The following ANKRA2 variants were observed in gnomAD, a reference collection of about 807,000 sequenced individuals.
The protein encoded by ANKRA2 is ankyrin repeat family A member 2.
A neutral mutation model predicts 37.8 loss-of-function variants in ANKRA2; 33 were observed. The ratio of observed to expected loss-of-function variants is 0.87; its 90% confidence interval spans 0.66 to 1.17. The LOEUF (loss-of-function observed/expected upper bound fraction) is 1.17. ANKRA2 is among the 50% of genes most tolerant of loss of function. The probability of loss-of-function intolerance (pLI) is 0.00; values close to 1 mark genes in which losing one functional copy is unlikely to be tolerated. For synonymous variants in ANKRA2, 126 were observed against 132.3 expected (o/e 0.95, Z 0.33); for missense variants, 326 against 373.7 (o/e 0.87, Z 1.05).
intron 6 of ANKRA2, 124 bp downstream of exon 6, chr5:73,554,737 A>C: frequency 8.6e-7 from 1 of 1,165,908 alleles, no homozygotes; most frequent in Non-Finnish European, 1.2e-6. Flanking sequence ...AGTGGCTGGG[A>C]CTACAGGTGT....
Position 73,562,914 on chromosome 5 carries a change from T to G in ANKRA2, c.-33A>C. On this transcript the variant is annotated 5_prime_UTR_variant, in exon 2 of 9. Coordinates refer to ENST00000296785, the MANE Select transcript of ANKRA2 (RefSeq NM_023039.5). ...ACTGTAGTTTCAATAACTAAAACAT[T>G]TCTTCATGATTTCCTCTTGGTTTTG... is the stretch of plus-strand genomic sequence containing the variant. The G allele has an allele frequency of 2.6e-6, 4 of 1,542,564 alleles. No homozygotes were observed. The highest frequency in any genetic ancestry group is 3.5e-6 in the Non-Finnish European group (4 of 1,140,550).
chr5:73,555,263 C>T, intron 5 of ANKRA2: 1 of 1,215,360 alleles, frequency 8.2e-7, no homozygotes, highest in Non-Finnish European at 1.1e-6. Flanking sequence ...TACTTCTGTT[C>T]CCGTGGGATG....
chr5:73,563,331 T>C (rs1490683954), intron 1 of ANKRA2, among the ~76,000 whole-genome samples: 1 of 152,230 alleles, frequency 6.6e-6, no homozygotes, highest in East Asian at 1.9e-4. Flanking sequence ...AGTTACTGTT[T>C]CTCCCATTTC....
At chr5:73,555,982 C>T (rs147916030) in intron 4 of ANKRA2, among the ~76,000 whole-genome samples, 42 of 152,272 alleles carry the variant, frequency 2.8e-4, no homozygotes, top group African/African-American at 9.6e-4. Context: ...CTTACATCAA[C>T]GTACAGTTGG....
intron 4 of ANKRA2, chr5:73,557,344 G>T (rs1056120757): frequency 1.0e-5 from 3 of 297,404 alleles, no homozygotes; most frequent in African/African-American, 2.3e-5. Context: ...GAAAATGTAA[G>T]AAACTTATAA....
intron 4 of ANKRA2, 159 bp downstream of exon 4, chr5:73,557,416 T>TTC (rs915916320): frequency 2.4e-5 from 2 of 81,986 alleles, no homozygotes; most frequent in African/African-American, 7.4e-5. Flanking sequence ...TATTCCTTTT[T>TTC]TTTTTTTTTT....
chr5:73,552,614 C>A lies in ANKRA2; in HGVS notation c.*183G>T. Reference sequence around the variant, plus strand: ...TTATAATTTTAAATATACAGTAAAACATAGTTATAAAAAGAGTATTACATT... The same window carrying A: ...TTATAATTTTAAATATACAGTAAAAAATAGTTATAAAAAGAGTATTACATT... On this transcript the variant is annotated 3_prime_UTR_variant, in exon 9 of 9. Coordinates refer to ENST00000296785, the MANE Select transcript of ANKRA2 (RefSeq NM_023039.5). The A allele has an allele frequency of 1.9e-6, 1 of 522,462 alleles. No homozygotes were observed. The allele number at this position is 522,462 out of a possible 1,614,324, so 32.4% of individuals were successfully genotyped here.
At chr5:73,562,038 A>C (rs1337478908) in intron 2 of ANKRA2, among the ~76,000 whole-genome samples, 1 of 152,022 alleles carries the variant, frequency 6.6e-6, no homozygotes, top group Non-Finnish European at 1.5e-5. Flanking sequence ...ATTTTTTGAG[A>C]CAGAGTCTCA....
At position 73,554,882 on chromosome 5, in the gene ANKRA2, A is replaced by T; in HGVS notation, c.717T>A (p.Val239=). Residue 239 remains valine, a synonymous_variant, in exon 6 of 9, where the codon GTT becomes GTA. Coordinates refer to ENST00000296785, the MANE Select transcript of ANKRA2 (RefSeq NM_023039.5). ...DIVKMLLDCG[V]DVNEYDWNGG... ...TTACCCAATCATATTCATTTACATC[A>T]ACTCCACAATCAAGCAGCATTTTGA... 2 of 1,613,756 alleles carry T rather than the reference A, an allele frequency of 1.2e-6. No homozygotes were observed. Among genetic ancestry groups the T allele is most frequent in the Non-Finnish European group, 1.7e-6 (2 of 1,179,812 alleles).
At chr5:73,561,812 A>G (rs1391280012) in intron 2 of ANKRA2, among the ~76,000 whole-genome samples, 1 of 152,124 alleles carries the variant, frequency 6.6e-6, no homozygotes, top group Non-Finnish European at 1.5e-5. Flanking sequence ...GTTCTGGAAG[A>G]AAATATATTA....
intron 7 of ANKRA2, among the ~76,000 whole-genome samples, chr5:73,554,021 C>T (rs12656388): frequency 0.087 from 13,269 of 152,136 alleles, 924 homozygotes; most frequent in African/African-American, 0.19. Context: ...CCACCCACCT[C>T]GGCCTCCCAA....
rs1345912726 is a variant in ANKRA2 at position 73,553,456 on chromosome 5, T to G, written c.836A>C (p.Asp279Ala). ...ESGADPTIET[D>A]SGYNSMDLAV... is the part of the protein sequence containing the mutation. ...TAGATCCATAGAATTATATCCAGAG[T>G]CAGTTTCAATTGTTGGATCAGCCCC... The change falls in exon 8 of 9, where the codon GAC becomes GCC. Residue 279 changes from aspartate (D) to alanine (A), a missense_variant. Physicochemically the swap from Asp to Ala is moderately radical, Grantham distance 126. Around this residue, in one of 3 missense-constraint regions of ANKRA2, gnomAD observed 228 missense variants for 260.2 expected, o/e 0.88. Coordinates refer to ENST00000296785, the MANE Select transcript of ANKRA2 (RefSeq NM_023039.5). The G allele has an allele frequency of 6.2e-7, 1 of 1,613,494 alleles. No homozygotes were observed. The highest frequency in any genetic ancestry group is 1.7e-5 in the Admixed American group (1 of 60,020).
At chr5:73,554,834 A>G (rs1168970136) in intron 6 of ANKRA2, 27 bp downstream of exon 6, 1 of 1,600,582 alleles carries the variant, frequency 6.2e-7, no homozygotes, top group Middle Eastern at 1.7e-4. Context: ...TGCTAGAGTC[A>G]TTTTAAATTT....
intron 8 of ANKRA2, 113 bp from the exon 9 acceptor site, chr5:73,552,965 G>A (rs1747293268): frequency 1.1e-6 from 1 of 878,402 alleles, no homozygotes; most frequent in Non-Finnish European, 1.8e-6. Context: ...TTTCTAAGCA[G>A]GATACATACA....
chr5:73,557,964 C>A (rs991929040), intron 3 of ANKRA2, among the ~76,000 whole-genome samples: 1 of 152,012 alleles, frequency 6.6e-6, no homozygotes, highest in Non-Finnish European at 1.5e-5. Flanking sequence ...GTAATCCCAG[C>A]TACTTGGGAG....
chr5:73,564,546 C>A (rs762849340), intron 1 of ANKRA2, among the ~76,000 whole-genome samples: 109 of 152,336 alleles, frequency 7.2e-4, no homozygotes, highest in African/African-American at 2.5e-3. Context: ...CTATTTCTAA[C>A]ATTTGCTGAT....
intron 4 of ANKRA2, among the ~76,000 whole-genome samples, chr5:73,556,927 G>C (rs1257074999): frequency 6.6e-6 from 1 of 150,654 alleles, no homozygotes; most frequent in Non-Finnish European, 1.5e-5. Context: ...AGAAACTCTA[G>C]CTCTTGTGTG....
rs753275514 is a variant in ANKRA2 at position 73,555,509 on chromosome 5, C to A, written c.591G>T (p.Val197=). Residue 197 remains valine (V), a synonymous_variant, in exon 5 of 9, where the codon GTG becomes GTT. Transcript: ENST00000296785. The part of the protein sequence containing the change: ...MWAAAHGQIA[V]VEFLLQNGAD... ...TTACATTCTGAAGTAGGAACTCTAC[C>A]ACAGCTATTTGCCCGTGTGCTGCAG... is the stretch of plus-strand genomic sequence containing the variant. 1.9e-6 allele frequency: 3 copies of A among 1,613,398 alleles called. No individual in the cohort carries two copies. Among genetic ancestry groups the A allele is most frequent in the Admixed American group, 1.7e-5 (1 of 59,988 alleles).
In ANKRA2 at chr5:73,555,577, T is replaced by C. The variant is rs747542085; in HGVS notation, c.523A>G (p.Ile175Val). The C allele has an allele frequency of 6.8e-6, 11 of 1,613,532 alleles. No homozygotes were observed. In the South Asian group the frequency reaches 1.1e-4, roughly 16 times the overall value. The change falls in exon 5 of 9, where the codon ATC becomes GTC. Residue 175 changes from isoleucine (I) to valine (V), a missense_variant. By Grantham distance (29) the Ile-to-Val change is conservative. Transcript: ENST00000296785. ...LATRIEQENV[I>V]NHTDEEGFTP... Reference sequence around the variant, plus strand: ...AATCCTTCTTCATCCGTGTGATTGATAACATTTTCTATTTAAAAGAAAAGC... The same window carrying C: ...AATCCTTCTTCATCCGTGTGATTGACAACATTTTCTATTTAAAAGAAAAGC...
Sources: allele counts gnomAD v4.1 joint callset (sites outside exome capture counted in the v4.1 genomes callset), GRCh38; gene constraint gnomAD v4.1.1; regional missense constraint gnomAD v4.1.1; transcripts MANE v1.5; gene names NCBI Gene and HGNC (gene_info 2026-07-23, HGNC 2026-07-21).